The following FGG variants were observed in gnomAD, a reference collection of about 807,000 sequenced individuals.
FGG encodes the protein fibrinogen, gamma polypeptide.
A neutral mutation model predicts 51.7 loss-of-function variants in FGG; 20 were observed. The observed-to-expected ratio is 0.39, with a 90% CI of 0.27 to 0.56. FGG has a LOEUF of 0.56. Among genes scored for constraint, FGG ranks in the 20% least tolerant of loss-of-function variants. The pLI is 0.64. For synonymous variants in FGG, 184 were observed against 184.7 expected, an observed-to-expected ratio of 1.00 and a Z score of 0.03; for missense variants, 460 against 534.2, an observed-to-expected ratio of 0.86 and a Z score of 1.37.
chr4:154,611,290 C>A (rs1731206993), intron 4 of FGG: 1 of 153,284 alleles, frequency 6.5e-6, no homozygotes, highest in South Asian at 2.0e-4. Flanking sequence ...AGAGACTATG[C>A]AGGTTCATTC....
rs370475378 is a variant in FGG, at chr4:154,608,570, T to A, written c.747A>T (p.Thr249=). ...EGFGHLSPTG[T]TEFWLGNEKI... is the part of the protein sequence containing the mutation. ...TCTCATTTCCCAGCCAAAATTCTGT[T>A]GTGCCAGTAGGAGACAGATGTCCAA... Residue 249 remains threonine, a synonymous_variant, in exon 7 of 9, where the codon ACA becomes ACT. Transcript: ENST00000336098. The A allele has an allele frequency of 2.5e-5, 40 of 1,613,760 alleles. No homozygotes were observed. Among genetic ancestry groups the A allele is most frequent in the Non-Finnish European group, 3.3e-5 (39 of 1,179,850 alleles).
At position 154,604,761 on chromosome 4, in the gene FGG, A is replaced by G; in HGVS notation, c.*73T>C. ...AAGACTTGAAATCAATAAATATAGT[A>G]AGAGAAAAAAGGAAGAAACTTTCAG... On this transcript the variant is annotated 3_prime_UTR_variant, in exon 9 of 9. Transcript: ENST00000336098. 1 of 1,603,436 alleles carries G rather than the reference A, an allele frequency of 6.2e-7. No homozygotes were observed. The highest frequency in any genetic ancestry group is 8.5e-7 in the Non-Finnish European group (1 of 1,176,436).
rs1560837053 is a variant in FGG, at chr4:154,612,216, G to A, written c.124-15C>T. On this transcript the variant is annotated splice_polypyrimidine_tract_variant and intron_variant, in intron 2 of 8. Coordinates refer to ENST00000336098, the MANE Select transcript of FGG (RefSeq NM_021870.3). ...CAATAACTACCCTGAAAATATAACAGTGATTAAAAATGTAGACAGATGCTA... is the reference window on the plus strand; with the variant it reads ...CAATAACTACCCTGAAAATATAACAATGATTAAAAATGTAGACAGATGCTA... 6.2e-7 allele frequency: 1 copy of A among 1,608,934 alleles called. No individual in the cohort carries two copies. The highest frequency in any genetic ancestry group is 1.1e-5 in the South Asian group (1 of 90,848).
Position 154,604,368 on chromosome 4 carries a change from A to G in FGG, c.*466T>C, listed in dbSNP as rs1412815752. 9 of 1,500,054 alleles carry G rather than the reference A, an allele frequency of 6.0e-6. No individual in the cohort carries two copies. Among genetic ancestry groups the G allele is most frequent in the South Asian group, 1.4e-5 (1 of 73,424 alleles). The allele number at this position is 1,500,054 out of a possible 1,614,324, so 92.9% of individuals were successfully genotyped here. A position where few individuals can be genotyped will look rare whatever the true frequency, so the allele number is the denominator to read the frequency against. ...AACGTCTCCAGCCTGTGAATATATA[A>G]CAAAACAAAAACCATATTAAAAAGA... On this transcript the variant is annotated 3_prime_UTR_variant, in exon 9 of 9. Coordinates refer to ENST00000336098, the MANE Select transcript of FGG (RefSeq NM_021870.3).
chr4:154,607,423 C>G (rs1248303248), intron 7 of FGG, among the ~76,000 whole-genome samples: 4 of 152,160 alleles, frequency 2.6e-5, no homozygotes, highest in African/African-American at 9.7e-5. Flanking sequence ...TTCCATTAGC[C>G]ACTCATAGCA....
Position 154,612,515 on chromosome 4 carries a change from G to C in FGG, c.78+17C>G. On this transcript the variant is annotated intron_variant, in intron 1 of 8. Transcript: ENST00000336098. ...AGCTTTCCATTTTAAACAACGTTTT[G>C]TGAAGAGCACACTTACTGCTACACA... 1 of 1,613,752 alleles carries C rather than the reference G, an allele frequency of 6.2e-7. No homozygotes were observed. The highest frequency in any genetic ancestry group is 8.5e-7 in the Non-Finnish European group (1 of 1,179,682).
intron 8 of FGG, among the ~76,000 whole-genome samples, chr4:154,605,997 G>A (rs1348342838): frequency 6.6e-6 from 1 of 152,166 alleles, no homozygotes; most frequent in Admixed American, 6.5e-5. Flanking sequence ...CTCCAACGGA[G>A]AGTCTGTTGA....
chr4:154,607,525 G>T (rs545228558), intron 7 of FGG, among the ~76,000 whole-genome samples: 12 of 152,268 alleles, frequency 7.9e-5, no homozygotes, highest in Non-Finnish European at 1.6e-4. Context: ...CACAATCAAA[G>T]TCTTCCCTGT....
chr4:154,606,518 G>A (rs1314362478), intron 8 of FGG, among the ~76,000 whole-genome samples, 187 bp downstream of exon 8: 1 of 152,116 alleles, frequency 6.6e-6, no homozygotes. Flanking sequence ...CTTTAGAAGG[G>A]CTAATTTTAG....
rs1215202123 is a variant in FGG at position 154,612,414 on chromosome 4, A to C, written c.100T>G (p.Cys34Gly). ...ACGAATCTTTCATCTAAGATGCAGC[A>C]GTTGTCTCTGGTAGCAACATACTAA... ...CVAYVATRDN[C>G]CILDERFGSY... Residue 34 changes from cysteine to glycine, a missense_variant, in exon 2 of 9, where the codon TGC becomes GGC. Physicochemically the swap from Cys to Gly is radical, Grantham distance 159. Coordinates refer to ENST00000336098, the MANE Select transcript of FGG (RefSeq NM_021870.3). 5 of 1,613,834 alleles carry C rather than the reference A, an allele frequency of 3.1e-6. No individual in the cohort carries two copies. In the Admixed American group the frequency reaches 6.7e-5, roughly 22 times the overall value.
At chr4:154,608,029 T>C (rs1169218069) in intron 7 of FGG, among the ~76,000 whole-genome samples, 1 of 152,166 alleles carries the variant, frequency 6.6e-6, no homozygotes, top group African/African-American at 2.4e-5. Flanking sequence ...CCAGGATAGT[T>C]GTTAAGAGGA....
In FGG at chr4:154,612,636, C is replaced by G; in HGVS notation, c.-27G>C. On this transcript the variant is annotated 5_prime_UTR_variant, in exon 1 of 9. Coordinates refer to ENST00000336098, the MANE Select transcript of FGG (RefSeq NM_021870.3). ...ATGTCTGAGTGCCCGGAGCTCCGAG[C>G]CTTGTAGTGTCAGCACTGTCACCTC... 1 of 1,608,154 alleles carries G rather than the reference C, an allele frequency of 6.2e-7. No homozygotes were observed. The highest frequency in any genetic ancestry group is 8.5e-7 in the Non-Finnish European group (1 of 1,174,932).
rs756344422 is a variant in FGG at position 154,610,045 on chromosome 4, C to A, written c.532+22G>T. The A allele has an allele frequency of 3.1e-6, 5 of 1,613,378 alleles. No homozygotes were observed. The South Asian group carries it at 4.4e-5, about 14-fold the overall frequency. On this transcript the variant is annotated intron_variant, in intron 5 of 8. Transcript: ENST00000336098. ...TTACTTACTTTGATGAACCTAATCCCAATATAACCTTCATCAGTTACCTTT... is the reference window on the plus strand; with the variant it reads ...TTACTTACTTTGATGAACCTAATCCAAATATAACCTTCATCAGTTACCTTT...
chr4:154,611,086 C>CA (rs1440948311), intron 4 of FGG: 6 of 151,834 alleles, frequency 4.0e-5, no homozygotes, highest in Admixed American at 3.9e-4. Flanking sequence ...CCTCTGATAG[C>CA]AAAAAGAGGA....
intron 3 of FGG, 31 bp downstream of exon 3, chr4:154,611,987 A>T (rs753625528): frequency 6.2e-6 from 10 of 1,607,730 alleles, no homozygotes; most frequent in South Asian, 2.2e-5. Flanking sequence ...TATTATTATT[A>T]TTTTTTGGTC....
intron 8 of FGG, 40 bp downstream of exon 8, chr4:154,606,665 C>A: frequency 6.3e-7 from 1 of 1,591,840 alleles, no homozygotes; most frequent in South Asian, 1.1e-5. Context: ...AAATAGTATA[C>A]ACTATACATT....
At position 154,610,060 on chromosome 4, in the gene FGG, C is replaced by T. The variant is rs1731177334; in HGVS notation, c.532+7G>A. 1.2e-6 allele frequency: 2 copies of T among 1,613,706 alleles called. No homozygotes were observed. Among genetic ancestry groups the T allele is most frequent in the East Asian group, 2.2e-5 (1 of 44,870 alleles). Reference sequence around the variant, plus strand: ...AACCTAATCCCAATATAACCTTCATCAGTTACCTTTCCCAGTGATATCATG... The same window carrying T: ...AACCTAATCCCAATATAACCTTCATTAGTTACCTTTCCCAGTGATATCATG... On this transcript the variant is annotated splice_region_variant and intron_variant, in intron 5 of 8. Coordinates refer to ENST00000336098, the MANE Select transcript of FGG (RefSeq NM_021870.3).
Position 154,604,811 on chromosome 4 carries a change from A to G in FGG, c.*23T>C. The G allele has an allele frequency of 6.2e-7, 1 of 1,613,368 alleles. No individual in the cohort carries two copies. Among genetic ancestry groups the G allele is most frequent in the Non-Finnish European group, 8.5e-7 (1 of 1,179,854 alleles). On this transcript the variant is annotated 3_prime_UTR_variant, in exon 9 of 9. Coordinates refer to ENST00000336098, the MANE Select transcript of FGG (RefSeq NM_021870.3). ...GAGAATTTCTGAAACTTTGTGGGTCAATAGAAGTTAGCAGTTAATTTTCTA... is the reference window on the plus strand; with the variant it reads ...GAGAATTTCTGAAACTTTGTGGGTCGATAGAAGTTAGCAGTTAATTTTCTA...
chr4:154,606,370 C>T (rs1731096749), intron 8 of FGG, among the ~76,000 whole-genome samples: 2 of 152,158 alleles, frequency 1.3e-5, no homozygotes, highest in African/African-American at 4.8e-5. Context: ...CAACAAGCAT[C>T]CATGTAGTAA....
Sources: gnomAD v4.1 joint callset for allele counts (sites outside exome capture counted in the v4.1 genomes callset) on GRCh38, gnomAD v4.1.1 for gene constraint, MANE v1.5 for transcripts, NCBI Gene and HGNC (gene_info 2026-07-23, HGNC 2026-07-21) for gene names.